Variants in DPF3 observed in about 807,000 individuals in gnomAD.
DPF3 encodes the protein zinc finger protein DPF3.
DPF3 carries 18 observed loss-of-function variants against 56.8 expected under a neutral mutation model. The observed-to-expected ratio is 0.32, with a 90% CI of 0.22 to 0.47. DPF3 has a LOEUF of 0.47. DPF3 is among the 20% of genes least tolerant of loss of function. The pLI is 1.00. For synonymous variants in DPF3, 188 were observed against 180.2 expected (o/e 1.04, Z -0.35); for missense variants, 403 against 488.8 (o/e 0.82, Z 1.65).
At chr14:72,888,224 T>C (rs1886623372) in intron 1 of DPF3, among the ~76,000 whole-genome samples, 1 of 152,070 alleles carries the variant, frequency 6.6e-6, no homozygotes, top group Non-Finnish European at 1.5e-5. Flanking sequence ...TTCTCTCCCT[T>C]CCCTTGCCAC....
At chr14:72,816,515 G>A (rs1883292951) in intron 1 of DPF3, among the ~76,000 whole-genome samples, 1 of 151,818 alleles carries the variant, frequency 6.6e-6, no homozygotes, top group East Asian at 1.9e-4. Context: ...GATACCAGAA[G>A]AGCCTATTGA....
intron 1 of DPF3, among the ~76,000 whole-genome samples, chr14:72,799,182 C>T: frequency 6.6e-6 from 1 of 152,178 alleles, no homozygotes; most frequent in Non-Finnish European, 1.5e-5. Flanking sequence ...ATACCTCCAT[C>T]CTTCCATCAA....
At chr14:72,827,593 C>T (rs1440353906) in intron 1 of DPF3, among the ~76,000 whole-genome samples, 1 of 146,592 alleles carries the variant, frequency 6.8e-6, no homozygotes, top group Non-Finnish European at 1.5e-5. Context: ...CTCCCTGTCT[C>T]AGCCTCCCAA....
At chr14:72,722,639 C>T (rs576260133) in intron 5 of DPF3, among the ~76,000 whole-genome samples, 16 of 152,286 alleles carry the variant, frequency 1.1e-4, no homozygotes, top group East Asian at 1.9e-4. Context: ...GTAAGAGTCC[C>T]GCCTAGAGCC....
Position 72,810,772 on chromosome 14 carries a change from C to A in DPF3, c.33-38879G>T, listed in dbSNP as rs569895463. ...TGACCTTCCCGATCCTGGAGCTGGG[C>A]CCTGGGCTCAGAAGACCCCAGACTG... On this transcript the variant is annotated intron_variant, in intron 1 of 10. Transcript: ENST00000556509. Among the ~76,000 whole-genome samples, 29 of 152,264 alleles carry A rather than the reference C, an allele frequency of 1.9e-4. 1 individual carries two copies. The East Asian group carries it at 5.6e-3, about 29-fold the overall frequency.
At chr14:72,644,917 C>T (rs1325355173) in intron 8 of DPF3, among the ~76,000 whole-genome samples, 1 of 152,206 alleles carries the variant, frequency 6.6e-6, no homozygotes, top group African/African-American at 2.4e-5. Context: ...CTATCCCATA[C>T]CCAGGGCAGA....
At chr14:72,785,251 T>C (rs957454184) in intron 1 of DPF3, among the ~76,000 whole-genome samples, 7 of 152,262 alleles carry the variant, frequency 4.6e-5, no homozygotes, top group Non-Finnish European at 5.9e-5. Context: ...GCATTTACTA[T>C]GTGTGCCAGG....
intron 3 of DPF3, among the ~76,000 whole-genome samples, chr14:72,749,677 C>A (rs1008465126): frequency 1.3e-5 from 2 of 152,100 alleles, no homozygotes; most frequent in African/African-American, 4.8e-5. Flanking sequence ...GGAGGTGGGT[C>A]TTTCCCATGC....
chr14:72,850,465 A>T (rs532003994), intron 1 of DPF3, among the ~76,000 whole-genome samples: 6 of 152,270 alleles, frequency 3.9e-5, no homozygotes, highest in Non-Finnish European at 7.4e-5. Flanking sequence ...AGTCCCCCAG[A>T]TCTCCAAGTG....
Position 72,609,184 on chromosome 14 carries a change from C to A in DPF3, c.*10113G>T, listed in dbSNP as rs1031908272. ...GGGCTTGTGACTCAGTCTTTGAGAACGTGCGAGCATTCCATGGGATATCGA... is the reference window on the plus strand; with the variant it reads ...GGGCTTGTGACTCAGTCTTTGAGAAAGTGCGAGCATTCCATGGGATATCGA... On this transcript the variant is annotated 3_prime_UTR_variant, in exon 11 of 11. Transcript: ENST00000556509. 1.3e-5 allele frequency among the ~76,000 whole-genome samples: 2 copies of A among 152,144 alleles called. No individual in the cohort carries two copies. The highest frequency in any genetic ancestry group is 1.9e-4 in the East Asian group (1 of 5,194).
chr14:72,842,499 C>T (rs1426442001), intron 1 of DPF3, among the ~76,000 whole-genome samples: 2 of 152,088 alleles, frequency 1.3e-5, no homozygotes, highest in South Asian at 2.1e-4. Flanking sequence ...TAGAAGATTC[C>T]GTTCGATGGG....
intron 2 of DPF3, among the ~76,000 whole-genome samples, chr14:72,760,384 C>T (rs1161340612): frequency 6.6e-6 from 1 of 152,132 alleles, no homozygotes; most frequent in East Asian, 1.9e-4. Context: ...CTCTGAACTC[C>T]TCCTGCCTTC....
At chr14:72,861,459 TGAGG>T (rs1293241017) in intron 1 of DPF3, among the ~76,000 whole-genome samples, 3 of 152,336 alleles carry the variant, frequency 2.0e-5, no homozygotes, top group Non-Finnish European at 4.4e-5. Flanking sequence ...CACCCACTTT[TGAGG>T]GTGAATTTGG....
rs1555491964 is a variant in DPF3 at position 72,649,660 on chromosome 14, T to TGGGCGG, written c.872-19925_872-19924insCCGCCC. ...CTCAATTGTCTCACTCATCCCTGGG[T>TGGGCGG]GGGGGGGGGGATTAATGTATTAGTA... On this transcript the variant is annotated intron_variant, in intron 8 of 10. Transcript: ENST00000556509. Among the ~76,000 whole-genome samples, 19 of 61,152 alleles carry TGGGCGG rather than the reference T, an allele frequency of 3.1e-4. No individual in the cohort carries two copies. The East Asian group carries it at 3.7e-3, about 12-fold the overall frequency. 40.1% of individuals were successfully genotyped at this position (61,152 alleles called of 152,430 possible).
At chr14:72,621,140 C>CA (rs36094507) in intron 9 of DPF3, among the ~76,000 whole-genome samples, 2,744 of 121,964 alleles carry the variant, frequency 0.022, 88 homozygotes, top group Admixed American at 0.11. Flanking sequence ...GACTCTGTCT[C>CA]AAAAAAAAAA....
chr14:72,654,525 C>G (rs4899437), intron 8 of DPF3, among the ~76,000 whole-genome samples: 62,506 of 151,928 alleles, frequency 0.41, 13,460 homozygotes, highest in East Asian at 0.69. Flanking sequence ...AGTGGAGAAG[C>G]CTTTAGAGCC....
rs55820708 is a variant in DPF3 at position 72,624,333 on chromosome 14, CTT to C, written c.985-4351_985-4350del. ...TTCTCCAGTTTTCCCACCTATGTCT[CTT>C]TTTTTTTTTTTTTTTTTTTCTGAGA... is the stretch of plus-strand genomic sequence containing the variant. On this transcript the variant is annotated intron_variant, in intron 9 of 10. Coordinates refer to ENST00000556509, the MANE Select transcript of DPF3 (RefSeq NM_001280542.3). Among the ~76,000 whole-genome samples, 403 of 97,792 alleles carry C rather than the reference CTT, an allele frequency of 4.1e-3. 1 individual carries two copies. Among genetic ancestry groups the C allele is most frequent in the Non-Finnish European group, 5.5e-3 (285 of 52,116 alleles). 64.2% of individuals were successfully genotyped at this position (97,792 alleles called of 152,430 possible).
At chr14:72,778,817 C>G (rs1891854195) in intron 1 of DPF3, among the ~76,000 whole-genome samples, 1 of 152,180 alleles carries the variant, frequency 6.6e-6, no homozygotes, top group Non-Finnish European at 1.5e-5. Context: ...TTTTCTTCTT[C>G]TAACAAAGAC....
chr14:72,886,535 C>T lies in DPF3; in HGVS notation c.32+7522G>A, dbSNP rs1252841699. Reference sequence around the variant, plus strand: ...AAATGTACTTAATGCCACTGAAATGCACACTTTAAAATGGCTAAAATGGTA... The same window carrying T: ...AAATGTACTTAATGCCACTGAAATGTACACTTTAAAATGGCTAAAATGGTA... On this transcript the variant is annotated intron_variant, in intron 1 of 10. Transcript: ENST00000556509. 2.0e-5 allele frequency among the ~76,000 whole-genome samples: 3 copies of T among 152,130 alleles called. No homozygotes were observed. The South Asian group carries it at 6.2e-4, about 32-fold the overall frequency.
Sources: allele counts gnomAD v4.1 joint callset (sites outside exome capture counted in the v4.1 genomes callset), GRCh38; gene constraint gnomAD v4.1.1; transcripts MANE v1.5; gene names NCBI Gene and HGNC (gene_info 2026-07-23, HGNC 2026-07-21).